RGL1: variants seen among roughly 807,000 people sequenced by gnomAD.
RGL1 encodes ral guanine nucleotide dissociation stimulator like 1.
In RGL1, 24 loss-of-function variants were observed where a neutral mutation model predicts 95.2. That is an observed-to-expected ratio of 0.25 (90% CI 0.18 to 0.35). RGL1 has a LOEUF of 0.35. RGL1 is among the 10% of genes least tolerant of loss of function. The pLI is 1.00. For missense variants in RGL1, 715 were observed against 936.3 expected (o/e 0.76, Z 3.08); for synonymous variants, 329 against 344.9 (o/e 0.95, Z 0.51).
chr1:183,650,298 C>T (rs150372409), intron 1 of RGL1, among the ~76,000 whole-genome samples: 10,295 of 152,156 alleles, frequency 0.068, 611 homozygotes, highest in African/African-American at 0.16. Flanking sequence ...AATCCCAGCA[C>T]TTTGGGAGGC....
rs1662140306 is a variant in RGL1, at chr1:183,817,083, C to T, written c.138+10598C>T. ...ATTTGTTGTGAGAAGGGTGATAAAG[C>T]TAATAATGCACCAAGGAATGGAAAG... On this transcript the variant is annotated intron_variant, in intron 2 of 17. Transcript: ENST00000360851. 7.2e-5 allele frequency among the ~76,000 whole-genome samples: 11 copies of T among 152,288 alleles called. No homozygotes were observed. The South Asian group carries it at 2.3e-3, about 32-fold the overall frequency.
At chr1:183,766,277 A>G (rs955753793) in intron 2 of RGL1, among the ~76,000 whole-genome samples, 6 of 152,138 alleles carry the variant, frequency 3.9e-5, no homozygotes, top group East Asian at 1.9e-4. Context: ...TTTGTTTTCA[A>G]GTACACACAT....
intron 1 of RGL1, among the ~76,000 whole-genome samples, chr1:183,688,323 CT>C (rs1030986947): frequency 6.6e-6 from 1 of 152,074 alleles, no homozygotes; most frequent in Non-Finnish European, 1.5e-5. Context: ...GAAATTTTTG[CT>C]TGCTTATGTG....
chr1:183,918,319 G>A (rs1222158094), intron 16 of RGL1, among the ~76,000 whole-genome samples: 2 of 152,114 alleles, frequency 1.3e-5, no homozygotes, highest in Non-Finnish European at 2.9e-5. Flanking sequence ...AATGCAAGTG[G>A]TAATGAGGGA....
chr1:183,677,127 G>T (rs1652879079), intron 1 of RGL1, among the ~76,000 whole-genome samples: 1 of 151,314 alleles, frequency 6.6e-6, no homozygotes, highest in Admixed American at 6.6e-5. Context: ...ATAATTAATG[G>T]TATCCCCTTT....
intron 2 of RGL1, among the ~76,000 whole-genome samples, chr1:183,794,242 T>A (rs917705825): frequency 1.3e-5 from 2 of 151,980 alleles, no homozygotes; most frequent in African/African-American, 4.8e-5. Context: ...AAAAAGTTAA[T>A]CTCATGGAAA....
intron 2 of RGL1, among the ~76,000 whole-genome samples, chr1:183,819,231 A>T (rs1298863543): frequency 6.6e-6 from 1 of 152,188 alleles, no homozygotes; most frequent in Non-Finnish European, 1.5e-5. Context: ...TTATGAAGGG[A>T]TCTGACACAT....
At chr1:183,742,752 GGAGA>G (rs142649027) in intron 2 of RGL1, among the ~76,000 whole-genome samples, 3 of 150,362 alleles carry the variant, frequency 2.0e-5, no homozygotes, top group Non-Finnish European at 3.0e-5. Flanking sequence ...GAGGGGACGG[GGAGA>G]GAGAGAGAGA....
At chr1:183,734,528 C>G (rs935737019) in intron 1 of RGL1, among the ~76,000 whole-genome samples, 2 of 152,082 alleles carry the variant, frequency 1.3e-5, no homozygotes, top group Admixed American at 6.6e-5. Context: ...TTGTTGAGAC[C>G]TAAAGGATTG....
At chr1:183,857,606 G>A (rs551637936) in intron 3 of RGL1, among the ~76,000 whole-genome samples, 27 of 152,138 alleles carry the variant, frequency 1.8e-4, no homozygotes, top group Non-Finnish European at 3.2e-4. Context: ...AAGCATGGCC[G>A]GAGCCAGAAT....
At chr1:183,824,001 T>A (rs1465791307) in intron 2 of RGL1, among the ~76,000 whole-genome samples, 1 of 152,068 alleles carries the variant, frequency 6.6e-6, no homozygotes, top group African/African-American at 2.4e-5. Context: ...TTACCCAGGC[T>A]CATCTCGAAC....
At chr1:183,769,036 T>A (rs1659142818) in intron 2 of RGL1, among the ~76,000 whole-genome samples, 1 of 152,228 alleles carries the variant, frequency 6.6e-6, no homozygotes, top group African/African-American at 2.4e-5. Context: ...ATTTTAAGAT[T>A]TTAAATTACA....
intron 3 of RGL1, among the ~76,000 whole-genome samples, chr1:183,857,075 AGATTATCTTG>A (rs538890584): frequency 3.3e-5 from 5 of 152,270 alleles, no homozygotes; most frequent in African/African-American, 1.2e-4. Flanking sequence ...TAAAATAAGG[AGATTATCTTG>A]GATTATCTGA....
At chr1:183,815,597 G>A (rs1474898320) in intron 2 of RGL1, among the ~76,000 whole-genome samples, 2 of 152,176 alleles carry the variant, frequency 1.3e-5, no homozygotes, top group East Asian at 1.9e-4. Context: ...TAGGGAGGTA[G>A]CTTAGCACAG....
intron 2 of RGL1, among the ~76,000 whole-genome samples, chr1:183,797,496 C>T (rs567136875): frequency 1.7e-4 from 26 of 152,268 alleles, no homozygotes; most frequent in African/African-American, 4.3e-4. Context: ...AGTTGTAATA[C>T]GTCTGCCTAA....
chr1:183,808,081 G>C (rs1661460401), intron 2 of RGL1, among the ~76,000 whole-genome samples: 1 of 152,094 alleles, frequency 6.6e-6, no homozygotes, highest in South Asian at 2.1e-4. Context: ...TTGGGTGACT[G>C]TTTTAGTTTT....
intron 3 of RGL1, among the ~76,000 whole-genome samples, chr1:183,851,279 T>G (rs1243280591): frequency 1.3e-5 from 2 of 152,184 alleles, no homozygotes; most frequent in Non-Finnish European, 2.9e-5. Context: ...TGACAAGTAC[T>G]CAATGCCTAC....
chr1:183,774,124 G>A (rs1026012869), intron 2 of RGL1, among the ~76,000 whole-genome samples: 1 of 152,136 alleles, frequency 6.6e-6, no homozygotes, highest in African/African-American at 2.4e-5. Context: ...TGCATATGAG[G>A]ACAAGTAATC....
intron 2 of RGL1, among the ~76,000 whole-genome samples, chr1:183,811,884 A>G (rs907068769): frequency 2.0e-5 from 3 of 152,258 alleles, no homozygotes; most frequent in Non-Finnish European, 4.4e-5. Flanking sequence ...AAACAATTTT[A>G]TGAACATATT....
Sources: allele counts gnomAD v4.1 joint callset (sites outside exome capture counted in the v4.1 genomes callset), GRCh38; gene constraint gnomAD v4.1.1; transcripts MANE v1.5; gene names NCBI Gene and HGNC (gene_info 2026-07-23, HGNC 2026-07-21).